Variants in SMARCA4 observed in about 807,000 individuals in gnomAD.
The protein encoded by SMARCA4 is SWI/SNF related BAF chromatin remodeling complex subunit ATPase 4, also known as SWI/SNF-related matrix-associated actin-dependent regulator of chromatin subfamily A member 4.
Under a neutral mutation model 193.9 loss-of-function variants are expected in SMARCA4, and 31 were observed. That is an observed-to-expected ratio of 0.16 (90% CI 0.12 to 0.22). SMARCA4 has a LOEUF of 0.22. SMARCA4 is among the 10% of genes least tolerant of loss of function. SMARCA4 has a pLI of 1.00. For synonymous variants in SMARCA4, 942 were observed against 933.1 expected (o/e 1.01, Z -0.17); for missense variants, 1,148 against 2,296.0 (o/e 0.50, Z 10.22).
At chr19:11,003,218 TC>T in intron 12 of SMARCA4, 59 bp downstream of exon 12, 1 of 1,612,460 alleles carries the variant, frequency 6.2e-7, no homozygotes, top group South Asian at 1.1e-5. Flanking sequence ...TGGGCCTTGT[TC>T]CAGGGAGGTG....
At chr19:10,982,743 A>G (rs1291648216) in intron 1 of SMARCA4, among the ~76,000 whole-genome samples, 1 of 152,034 alleles carries the variant, frequency 6.6e-6, no homozygotes, top group African/African-American at 2.4e-5. Flanking sequence ...TGACCTCGTG[A>G]TCTGCCCGCC....
chr19:11,010,994 C>G lies in SMARCA4; in HGVS notation c.2274+463C>G, dbSNP rs1001610615. 12 of 255,752 alleles carry G rather than the reference C, an allele frequency of 4.7e-5. No homozygotes were observed. In the South Asian group the frequency reaches 5.2e-4, roughly 11 times the overall value. The allele number at this position is 255,752 out of a possible 1,614,324, so 15.8% of individuals were successfully genotyped here. A position where few individuals can be genotyped will look rare whatever the true frequency, so the allele number is the denominator to read the frequency against. On this transcript the variant is annotated intron_variant, in intron 15 of 34. Transcript: ENST00000344626. ...AGCTTAGATCTAGGAGCCGGCAGCC[C>G]TGGACTCCGCTCTTTCTTCTGGGGA...
At chr19:10,976,709 G>T (rs2085154346) in intron 1 of SMARCA4, among the ~76,000 whole-genome samples, 1 of 150,994 alleles carries the variant, frequency 6.6e-6, no homozygotes, top group Admixed American at 6.6e-5. Context: ...AGCTGTGATG[G>T]CGCCACTGCA....
rs1240859092 is a variant in SMARCA4 at position 10,974,429 on chromosome 19, T to C, written c.-31-9692T>C. 2.0e-5 allele frequency among the ~76,000 whole-genome samples: 3 copies of C among 151,354 alleles called. No individual in the cohort carries two copies. The East Asian group carries it at 5.8e-4, about 29-fold the overall frequency. On this transcript the variant is annotated intron_variant, in intron 1 of 34. Coordinates refer to ENST00000344626, the MANE Select transcript of SMARCA4 (RefSeq NM_003072.5). ...TTCCTGGGCATTTCTTGTGGGTATT[T>C]ATTTCATGGGTATTCTGATTTAGGC...
At chr19:11,000,927 G>A (rs1033656936) in intron 11 of SMARCA4, among the ~76,000 whole-genome samples, 3 of 151,932 alleles carry the variant, frequency 2.0e-5, no homozygotes, top group Non-Finnish European at 4.4e-5. Flanking sequence ...CAGTCCTGCT[G>A]TGGCTGCCTG....
intron 15 of SMARCA4, chr19:11,012,564 C>T (rs552024005): frequency 1.6e-5 from 5 of 306,262 alleles, no homozygotes; most frequent in South Asian, 6.7e-5. Flanking sequence ...GAATTCCTCA[C>T]GAAGTCGCCC....
At chr19:11,050,231 C>T (rs1001646839) in intron 30 of SMARCA4, among the ~76,000 whole-genome samples, 9 of 152,246 alleles carry the variant, frequency 5.9e-5, no homozygotes, top group Non-Finnish European at 1.0e-4. Flanking sequence ...CTCGGAAAGA[C>T]GGTGACGGGT....
chr19:11,045,708 T>A (rs2075865219), intron 30 of SMARCA4, among the ~76,000 whole-genome samples: 1 of 152,164 alleles, frequency 6.6e-6, no homozygotes, highest in Non-Finnish European at 1.5e-5. Context: ...GTATATCATC[T>A]GACAAAAGAG....
chr19:11,029,049 G>A (rs2090458669), intron 24 of SMARCA4, among the ~76,000 whole-genome samples: 1 of 152,180 alleles, frequency 6.6e-6, no homozygotes, highest in Admixed American at 6.5e-5. Context: ...CAAACTGCAG[G>A]TCCTCCCCGG....
At chr19:10,991,600 T>C (rs2086568949) in intron 8 of SMARCA4, among the ~76,000 whole-genome samples, 1 of 152,238 alleles carries the variant, frequency 6.6e-6, no homozygotes. Flanking sequence ...CGGGCTGTTG[T>C]AGAACTGATG....
chr19:10,996,392 C>T lies in SMARCA4; in HGVS notation c.1761+12C>T, dbSNP rs762446865. On this transcript the variant is annotated intron_variant, in intron 10 of 34. Coordinates refer to ENST00000344626, the MANE Select transcript of SMARCA4 (RefSeq NM_003072.5). Reference sequence around the variant, plus strand: ...AAAAGAAAAAGAAGGTGTGCTGGGCCTGGCATGGTGCCCGCCGCGGGTGGG... The same window carrying T: ...AAAAGAAAAAGAAGGTGTGCTGGGCTTGGCATGGTGCCCGCCGCGGGTGGG... 1 of 1,614,192 alleles carries T rather than the reference C, an allele frequency of 6.2e-7. No homozygotes were observed. Among genetic ancestry groups the T allele is most frequent in the South Asian group, 1.1e-5 (1 of 91,092 alleles).
intron 1 of SMARCA4, among the ~76,000 whole-genome samples, chr19:10,969,124 G>A (rs1434918120): frequency 6.6e-6 from 1 of 152,166 alleles, no homozygotes; most frequent in African/African-American, 2.4e-5. Context: ...TCAGAATTCC[G>A]TTTTCCTCTC....
In SMARCA4 at chr19:10,993,931, C is replaced by T. The variant is rs189808734; in HGVS notation, c.1420-897C>T. ...TGCTGGGATTACAGGCGTGAGCCAC[C>T]GCGCCCTGCCGCCAGTGCTGAGTTT... On this transcript the variant is annotated intron_variant, in intron 8 of 34. Transcript: ENST00000344626. Among the ~76,000 whole-genome samples, 466 of 152,182 alleles carry T rather than the reference C, an allele frequency of 3.1e-3. 2 individuals are homozygous for T. Among genetic ancestry groups the T allele is most frequent in the Middle Eastern group, 6.8e-3 (2 of 294 alleles).
chr19:10,965,985 T>G (rs898629625), intron 1 of SMARCA4, among the ~76,000 whole-genome samples: 1 of 141,136 alleles, frequency 7.1e-6, no homozygotes, highest in Admixed American at 7.1e-5. Context: ...TTTTTTTTTT[T>G]TTTTTTTTTT....
rs778283753 is a variant in SMARCA4, at chr19:11,041,566, C to T, written c.4424+6C>T. 1.6e-5 allele frequency: 26 copies of T among 1,611,464 alleles called. No homozygotes were observed. Among genetic ancestry groups the T allele is most frequent in the Admixed American group, 8.3e-5 (5 of 59,986 alleles). ...GTGATCAAGTACAAGGACAGGTAAG[C>T]GAGGAGGCGGGGAGGGCGGGGGCTG... On this transcript the variant is annotated splice_donor_region_variant and intron_variant, in intron 30 of 34. Coordinates refer to ENST00000344626, the MANE Select transcript of SMARCA4 (RefSeq NM_003072.5). The surrounding 1 kb of genome is among the most constrained non-coding windows in gnomAD (Gnocchi z 5.6).
intron 11 of SMARCA4, among the ~76,000 whole-genome samples, chr19:11,001,142 C>T (rs369487412): frequency 2.7e-4 from 41 of 152,204 alleles, no homozygotes; most frequent in South Asian, 4.2e-4. Flanking sequence ...GCAGCCTTGA[C>T]GTCCTGGGCT....
At chr19:11,045,994 C>G (rs1030550427) in intron 30 of SMARCA4, among the ~76,000 whole-genome samples, 1 of 151,990 alleles carries the variant, frequency 6.6e-6, no homozygotes, top group Admixed American at 6.6e-5. Flanking sequence ...GAGGCTGAGG[C>G]GAGCGGATCA....
chr19:11,003,484 G>T (rs2087859502), intron 13 of SMARCA4, 87 bp downstream of exon 13: 2 of 1,283,314 alleles, frequency 1.6e-6, no homozygotes, highest in Non-Finnish European at 2.3e-6. Flanking sequence ...CTCCTGCCCT[G>T]GCTGGGCATC....
chr19:10,973,429 G>T (rs2084839417), intron 1 of SMARCA4, among the ~76,000 whole-genome samples: 1 of 151,524 alleles, frequency 6.6e-6, no homozygotes, highest in Non-Finnish European at 1.5e-5. Flanking sequence ...TTGAGACGGA[G>T]TCTCGCTGTC....
Sources: allele counts gnomAD v4.1 joint callset (sites outside exome capture counted in the v4.1 genomes callset), GRCh38; gene constraint gnomAD v4.1.1; non-coding constraint Gnocchi (gnomAD v3.1); transcripts MANE v1.5; gene names NCBI Gene and HGNC (gene_info 2026-07-23, HGNC 2026-07-21).